The following LETM1 variants were observed in gnomAD, a reference collection of about 807,000 sequenced individuals.
The protein encoded by LETM1 is leucine zipper and EF-hand containing transmembrane protein 1, also known as mitochondrial proton/calcium exchanger protein.
A neutral mutation model predicts 74.5 loss-of-function variants in LETM1; 50 were observed. The ratio of observed to expected loss-of-function variants is 0.67; its 90% CI spans 0.53 to 0.85. The LOEUF (loss-of-function observed/expected upper bound fraction) is 0.85, where lower values mean the gene tolerates loss of function less well. LETM1 is among the 40% of genes least tolerant of loss of function. The pLI, the probability that LETM1 is intolerant of heterozygous loss-of-function variation, is 0.00. For synonymous variants in LETM1, 446 were observed against 407.1 expected, an observed-to-expected ratio of 1.10 and a Z score of -1.15; for missense variants, 824 against 967.8, an observed-to-expected ratio of 0.85 and a Z score of 1.97.
intron 5 of LETM1, 119 bp from the exon 6 acceptor site, chr4:1,833,066 A>T: frequency 1.2e-6 from 1 of 802,770 alleles, no homozygotes. Context: ...ACCACTGACT[A>T]CTTCTTCTTT....
At chr4:1,842,232 C>T (rs1712727902) in intron 2 of LETM1, among the ~76,000 whole-genome samples, 1 of 152,198 alleles carries the variant, frequency 6.6e-6, no homozygotes, top group Non-Finnish European at 1.5e-5. Flanking sequence ...AAGTGACTTT[C>T]TGGAAAGATC....
chr4:1,823,075 C>A lies in LETM1; in HGVS notation c.1389G>T (p.Lys463Asn). The A allele has an allele frequency of 6.2e-7, 1 of 1,610,594 alleles. No individual in the cohort carries two copies. The stretch of plus-strand genomic sequence containing the variant: ...CCTGCAGCGTGGCCTCCAGCTTGGC[C>A]TTGTTGTCCACCTGCTCGCCCTCCA... ...AEVEGEQVDN[K>N]AKLEATLQEE... The change falls in exon 9 of 14, where the codon AAG (lysine) becomes AAT (asparagine). Residue 463 changes from lysine to asparagine, a missense_variant. Physicochemically the swap from Lys to Asn is moderately conservative, Grantham distance 94 (BLOSUM62 0). Around this residue, in one of 4 missense-constraint regions of LETM1, gnomAD observed 172 missense variants for 170.7 expected, o/e 1.01. Coordinates refer to ENST00000302787, the MANE Select transcript of LETM1 (RefSeq NM_012318.3).
chr4:1,848,264 T>G (rs573240988), intron 2 of LETM1, among the ~76,000 whole-genome samples: 5 of 151,754 alleles, frequency 3.3e-5, no homozygotes, highest in Non-Finnish European at 7.4e-5. Context: ...ATTAGCCAGG[T>G]GCGGCCGGAC....
At chr4:1,840,805 T>C (rs1577323365) in intron 3 of LETM1, among the ~76,000 whole-genome samples, 1 of 152,114 alleles carries the variant, frequency 6.6e-6, no homozygotes, top group Admixed American at 6.6e-5. Context: ...AGGGGGCACC[T>C]TGGGGACAGA....
intron 6 of LETM1, among the ~76,000 whole-genome samples, chr4:1,828,815 AC>A (rs1375679940): frequency 0.022 from 1,024 of 47,230 alleles, 5 homozygotes; most frequent in Admixed American, 0.029. Context: ...AGGGGGGCTG[AC>A]CCCCCCCACC....
At chr4:1,837,546 GCA>G (rs761669196) in intron 3 of LETM1, among the ~76,000 whole-genome samples, 2 of 152,000 alleles carry the variant, frequency 1.3e-5, no homozygotes, top group Non-Finnish European at 2.9e-5. Flanking sequence ...CTTAAAGCTG[GCA>G]CATGTGTTTT....
At chr4:1,817,064 G>A (rs1406032391) in intron 11 of LETM1, 150 bp from the exon 12 acceptor site, 6 of 602,174 alleles carry the variant, frequency 1.0e-5, no homozygotes, top group Non-Finnish European at 2.9e-6. Context: ...TGGCCAATGT[G>A]GTGAAACCCC....
At chr4:1,816,948 C>A in intron 11 of LETM1, 34 bp from the exon 12 acceptor site, 1 of 1,586,860 alleles carries the variant, frequency 6.3e-7, no homozygotes, top group South Asian at 1.1e-5. Context: ...AAAAGTTTGT[C>A]TTAAAAGAAA....
At chr4:1,830,413 C>T (rs1042972358) in intron 6 of LETM1, among the ~76,000 whole-genome samples, 5 of 152,218 alleles carry the variant, frequency 3.3e-5, no homozygotes, top group Admixed American at 6.5e-5. Context: ...TCACTGCAAG[C>T]TCAATCTCCC....
At chr4:1,820,789 C>A (rs1298396653) in intron 10 of LETM1, among the ~76,000 whole-genome samples, 1 of 152,100 alleles carries the variant, frequency 6.6e-6, no homozygotes, top group Non-Finnish European at 1.5e-5. Context: ...TTTGGGAGGT[C>A]GAGGTGGGAG....
chr4:1,821,913 C>A (rs1229109332), intron 10 of LETM1, among the ~76,000 whole-genome samples: 4 of 152,224 alleles, frequency 2.6e-5, no homozygotes, highest in African/African-American at 7.2e-5. Flanking sequence ...TCTCTACCTG[C>A]CACACTGTGG....
intron 3 of LETM1, among the ~76,000 whole-genome samples, chr4:1,838,323 C>T (rs751475929): frequency 1.3e-5 from 2 of 152,024 alleles, no homozygotes; most frequent in Non-Finnish European, 2.9e-5. Flanking sequence ...TGGTCTCGAT[C>T]TCTTGACCTC....
chr4:1,841,363 C>CGG lies in LETM1; in HGVS notation c.576_577dup (p.Arg193ProfsTer38), dbSNP rs778763639. Reference sequence around the variant, plus strand: ...CCCCATTACCTGCCTGCGCTCCCGGCGGGTCAGGCTGTGGCCGTTGAGGAT... The same window carrying CGG: ...CCCCATTACCTGCCTGCGCTCCCGGCGGGGGTCAGGCTGTGGCCGTTGAGGAT... On this transcript the variant is annotated frameshift_variant, in exon 3 of 14. Transcript: ENST00000302787. LOFTEE classifies it high-confidence loss of function. 1 of 1,612,130 alleles carries CGG rather than the reference C, an allele frequency of 6.2e-7. No homozygotes were observed. The highest frequency in any genetic ancestry group is 1.3e-5 in the African/African-American group (1 of 75,034).
rs998776887 is a variant in LETM1 at position 1,834,734 on chromosome 4, C to T, written c.876+111G>A. The T allele has an allele frequency of 2.6e-6, 4 of 1,528,284 alleles. No individual in the cohort carries two copies. Among genetic ancestry groups the T allele is most frequent in the Non-Finnish European group, 3.5e-6 (4 of 1,138,150 alleles). 94.7% of individuals were successfully genotyped at this position (1,528,284 alleles called of 1,614,324 possible). On this transcript the variant is annotated intron_variant, in intron 5 of 13. Coordinates refer to ENST00000302787, the MANE Select transcript of LETM1 (RefSeq NM_012318.3). The surrounding 1 kb of genome is among the most constrained non-coding windows in gnomAD (Gnocchi z 5.0). ...TGAGCCTCCTGGGTAAACTTTCAAG[C>T]GCCAGCCAGCACCTGGGGGAGCTCC... is the stretch of plus-strand genomic sequence containing the variant.
chr4:1,851,890 C>T (rs1560511573), intron 1 of LETM1, among the ~76,000 whole-genome samples: 1 of 152,228 alleles, frequency 6.6e-6, no homozygotes, highest in Non-Finnish European at 1.5e-5. Context: ...GGCTCCCTTA[C>T]TAGGCTCTCC....
rs777344189 is a variant in LETM1, at chr4:1,836,297, C to T, written c.738+132G>A. 7 of 770,330 alleles carry T rather than the reference C, an allele frequency of 9.1e-6. No individual in the cohort carries two copies. The highest frequency in any genetic ancestry group is 7.6e-5 in the East Asian group (3 of 39,564). 47.7% of individuals were successfully genotyped at this position (770,330 alleles called of 1,614,324 possible). On this transcript the variant is annotated intron_variant, in intron 4 of 13. Coordinates refer to ENST00000302787, the MANE Select transcript of LETM1 (RefSeq NM_012318.3). The surrounding 1 kb of genome is among the most constrained non-coding windows in gnomAD (Gnocchi z 5.8). ...CCCAGCATCCACTAAATAATTATTG[C>T]ACAGCACAAGGACAATATGAAGATA...
chr4:1,842,120 T>A (rs554815939), intron 2 of LETM1, among the ~76,000 whole-genome samples: 2 of 152,052 alleles, frequency 1.3e-5, no homozygotes, highest in Non-Finnish European at 1.5e-5. Flanking sequence ...CCAGGCCCAC[T>A]CCCAGAGACT....
chr4:1,815,333 C>T (rs565780811), intron 13 of LETM1, among the ~76,000 whole-genome samples: 3 of 152,254 alleles, frequency 2.0e-5, no homozygotes, highest in Admixed American at 6.5e-5. Context: ...CCTGTGCAGT[C>T]GCCCCTCAGC....
chr4:1,822,872 G>T, intron 9 of LETM1, 116 bp downstream of exon 9: 1 of 1,050,190 alleles, frequency 9.5e-7, no homozygotes, highest in Non-Finnish European at 1.2e-6. Flanking sequence ...AAATAAACAT[G>T]CAGGACAGAG....
Sources: gnomAD v4.1 joint callset for allele counts (sites outside exome capture counted in the v4.1 genomes callset) on GRCh38, gnomAD v4.1.1 for gene constraint, gnomAD v4.1.1 regional missense constraint, Gnocchi (gnomAD v3.1) non-coding constraint, MANE v1.5 for transcripts, NCBI Gene and HGNC (gene_info 2026-07-23, HGNC 2026-07-21) for gene names.